MAP3K1: variants seen among roughly 807,000 people sequenced by gnomAD.
MAP3K1 encodes the protein MAP/ERK kinase kinase 1.
Under a neutral mutation model 144.2 loss-of-function variants are expected in MAP3K1, and 36 were observed. The observed-to-expected ratio is 0.25, with a 90% CI of 0.19 to 0.33. The LOEUF is 0.33. MAP3K1 is among the 10% of genes least tolerant of loss of function. MAP3K1 has a pLI of 1.00. For synonymous variants in MAP3K1, 718 were observed against 688.7 expected (o/e 1.04, Z -0.67); for missense variants, 1,650 against 1,881.9 (o/e 0.88, Z 2.28).
chr5:56,890,266 GT>G (rs1388934440), intron 19 of MAP3K1, among the ~76,000 whole-genome samples: 2 of 152,092 alleles, frequency 1.3e-5, no homozygotes, highest in African/African-American at 2.4e-5. Flanking sequence ...TATTTTAAGA[GT>G]TTTGATGAGA....
rs3076543 is a variant in MAP3K1 at position 56,841,202 on chromosome 5, T to TAAA, written c.483-15386_483-15384dup. On this transcript the variant is annotated intron_variant, in intron 1 of 19. Coordinates refer to ENST00000399503, the MANE Select transcript of MAP3K1 (RefSeq NM_005921.2). ...AAGAGAAATGTATGGCTTATTGATT[T>TAAA]AAAAAAAAAAAAAACTAGACAGGTT... 2.0e-3 allele frequency among the ~76,000 whole-genome samples: 299 copies of TAAA among 147,434 alleles called. 1 individual carries two copies. The highest frequency in any genetic ancestry group is 0.011 in the Middle Eastern group (3 of 278).
chr5:56,892,759 C>T (rs1748585158), intron 19 of MAP3K1, among the ~76,000 whole-genome samples: 1 of 152,094 alleles, frequency 6.6e-6, no homozygotes, highest in African/African-American at 2.4e-5. Flanking sequence ...GCAAGAAAGA[C>T]ACTATCTCTG....
At chr5:56,881,369 C>A in intron 13 of MAP3K1, 97 bp downstream of exon 13, 1 of 1,134,318 alleles carries the variant, frequency 8.8e-7, no homozygotes, top group Non-Finnish European at 1.3e-6. Context: ...AGACTCAGAG[C>A]ATGAATAGGT....
At position 56,815,604 on chromosome 5, in the gene MAP3K1, T is replaced by G. The variant is rs891002481; in HGVS notation, c.31T>G (p.Ser11Ala). 1 of 1,306,136 alleles carries G rather than the reference T, an allele frequency of 7.7e-7. No individual in the cohort carries two copies. Among genetic ancestry groups the G allele is most frequent in the Non-Finnish European group, 9.7e-7 (1 of 1,028,378 alleles). 80.9% of individuals were successfully genotyped at this position (1,306,136 alleles called of 1,614,324 possible). Residue 11 changes from serine (S) to alanine (A), a missense_variant, in exon 1 of 20, where the codon TCG (serine) becomes GCG (alanine). Ser to Ala is a moderately conservative substitution (Grantham distance 99). Around this residue, in one of 6 missense-constraint regions of MAP3K1, gnomAD observed 360 missense variants for 274.7 expected, o/e 1.31. Transcript: ENST00000399503. ...GGCGGCGGCGGGGAATCGCGCCTCGTCGTCGGGATTCCCGGGCGCCAGGGC... is the reference window on the plus strand; with the variant it reads ...GGCGGCGGCGGGGAATCGCGCCTCGGCGTCGGGATTCCCGGGCGCCAGGGC... MAAAAGNRAS[S>A]SGFPGARATS...
Position 56,871,862 on chromosome 5 carries a change from A to C in MAP3K1, c.1302-48A>C, listed in dbSNP as rs1747862710. 2.5e-6 allele frequency: 4 copies of C among 1,587,218 alleles called. No homozygotes were observed. The South Asian group carries it at 4.4e-5, about 18-fold the overall frequency. On this transcript the variant is annotated intron_variant, in intron 6 of 19. Coordinates refer to ENST00000399503, the MANE Select transcript of MAP3K1 (RefSeq NM_005921.2). Reference sequence around the variant, plus strand: ...AAAGTGTTTTTAGCATATCCGTTCTACTTTATATTCTTTTATGCTTAATAC... The same window carrying C: ...AAAGTGTTTTTAGCATATCCGTTCTCCTTTATATTCTTTTATGCTTAATAC...
chr5:56,817,904 G>A (rs1746028456), intron 1 of MAP3K1, among the ~76,000 whole-genome samples: 1 of 152,186 alleles, frequency 6.6e-6, no homozygotes, highest in African/African-American at 2.4e-5. Flanking sequence ...GACTAAGGTG[G>A]AGGCAGATAG....
intron 2 of MAP3K1, among the ~76,000 whole-genome samples, chr5:56,857,951 G>GTAA (rs1401865797): frequency 1.3e-5 from 2 of 152,162 alleles, no homozygotes; most frequent in East Asian, 3.8e-4. Flanking sequence ...ATGGGCCCGT[G>GTAA]AGTCCTTGTC....
intron 1 of MAP3K1, among the ~76,000 whole-genome samples, chr5:56,840,930 C>T (rs918400417): frequency 2.0e-5 from 3 of 149,034 alleles, no homozygotes; most frequent in African/African-American, 7.4e-5. Flanking sequence ...GGCTGGAGTG[C>T]AGTGGCACGT....
intron 6 of MAP3K1, among the ~76,000 whole-genome samples, chr5:56,866,349 A>G (rs1457253852): frequency 1.3e-5 from 2 of 152,164 alleles, no homozygotes; most frequent in African/African-American, 4.8e-5. Flanking sequence ...TCAAGTCTCC[A>G]GTGACCTATG....
intron 19 of MAP3K1, among the ~76,000 whole-genome samples, chr5:56,892,976 T>TAA (rs1162696229): frequency 3.6e-4 from 54 of 150,408 alleles, no homozygotes; most frequent in African/African-American, 1.2e-3. Flanking sequence ...TCTTTTTTTT[T>TAA]AAAAAAAAAG....
intron 6 of MAP3K1, 75 bp downstream of exon 6, chr5:56,866,052 T>A: frequency 1.8e-6 from 2 of 1,126,640 alleles, no homozygotes; most frequent in Non-Finnish European, 2.7e-6. Flanking sequence ...TTATATCTAC[T>A]TGTTAAGTTG....
At chr5:56,829,273 A>T (rs1012034585) in intron 1 of MAP3K1, among the ~76,000 whole-genome samples, 4 of 150,966 alleles carry the variant, frequency 2.6e-5, no homozygotes, top group African/African-American at 9.8e-5. Context: ...CGTCAACCTT[A>T]GCGGGCTCAG....
At chr5:56,839,351 A>T (rs1344115857) in intron 1 of MAP3K1, among the ~76,000 whole-genome samples, 1 of 152,228 alleles carries the variant, frequency 6.6e-6, no homozygotes, top group Non-Finnish European at 1.5e-5. Context: ...CGATTGGATT[A>T]TGCAAGTCAT....
intron 1 of MAP3K1, among the ~76,000 whole-genome samples, chr5:56,832,904 G>C (rs914293666): frequency 6.6e-6 from 1 of 152,198 alleles, no homozygotes; most frequent in African/African-American, 2.4e-5. Context: ...ACGGAGTCTC[G>C]CTCTGTCACC....
intron 16 of MAP3K1, among the ~76,000 whole-genome samples, chr5:56,885,307 C>T (rs920730150): frequency 1.3e-5 from 2 of 152,096 alleles, no homozygotes; most frequent in African/African-American, 4.8e-5. Flanking sequence ...AAATTAATGA[C>T]CTGATGTGAT....
At chr5:56,882,900 T>C (rs1748269100) in intron 14 of MAP3K1, 34 bp downstream of exon 14, 2 of 1,537,808 alleles carry the variant, frequency 1.3e-6, no homozygotes, top group African/African-American at 1.4e-5. Flanking sequence ...TTAGAAAACT[T>C]CCTTGGGGCT....
At chr5:56,845,139 A>G (rs928812201) in intron 1 of MAP3K1, among the ~76,000 whole-genome samples, 18 of 152,356 alleles carry the variant, frequency 1.2e-4, no homozygotes, top group Middle Eastern at 3.4e-3. Context: ...ACTTCTTAAA[A>G]TACAGAAGCT....
At chr5:56,872,577 T>TA in intron 7 of MAP3K1, 64 bp from the exon 8 acceptor site, 2 of 932,574 alleles carry the variant, frequency 2.1e-6, no homozygotes, top group African/African-American at 3.3e-5. Flanking sequence ...TATAAACAGT[T>TA]ATGAAATAAA....
intron 15 of MAP3K1, 149 bp from the exon 16 acceptor site, chr5:56,884,515 A>T: frequency 1.4e-6 from 1 of 696,040 alleles, no homozygotes. Flanking sequence ...TGTTTAAAAG[A>T]GTTTGACTTG....
Sources: allele counts gnomAD v4.1 joint callset (sites outside exome capture counted in the v4.1 genomes callset), GRCh38; gene constraint gnomAD v4.1.1; regional missense constraint gnomAD v4.1.1; transcripts MANE v1.5; gene names NCBI Gene and HGNC (gene_info 2026-07-23, HGNC 2026-07-21).